The following MYO1D variants were observed in gnomAD, a reference collection of about 807,000 sequenced individuals.
MYO1D encodes myosin ID.
In MYO1D, 83 loss-of-function variants were observed where a neutral mutation model predicts 122.0. The observed-to-expected ratio is 0.68, with a 90% CI of 0.57 to 0.82. The LOEUF (loss-of-function observed/expected upper bound fraction) is 0.82, where lower values mean the gene tolerates loss of function less well. Among genes scored for constraint, MYO1D ranks in the 40% least tolerant of loss-of-function variants. The pLI is 0.00. For synonymous variants in MYO1D, 464 were observed against 446.9 expected (o/e 1.04, Z -0.48); for missense variants, 1,157 against 1,269.5 (o/e 0.91, Z 1.35).
chr17:32,604,152 ATG>A (rs1470842768), intron 21 of MYO1D, among the ~76,000 whole-genome samples: 9 of 151,960 alleles, frequency 5.9e-5, no homozygotes, highest in Non-Finnish European at 1.0e-4. Flanking sequence ...GATTCCAAAT[ATG>A]TGTTTGTTGA....
chr17:32,596,256 C>T (rs188628646), intron 21 of MYO1D, among the ~76,000 whole-genome samples: 2 of 152,292 alleles, frequency 1.3e-5, no homozygotes, highest in Non-Finnish European at 1.5e-5. Context: ...GCCAGGCATT[C>T]AAAGAGAGCA....
At chr17:32,540,071 C>T (rs1910789980) in intron 21 of MYO1D, among the ~76,000 whole-genome samples, 1 of 152,094 alleles carries the variant, frequency 6.6e-6, no homozygotes, top group Non-Finnish European at 1.5e-5. Flanking sequence ...AGAGGCCGGA[C>T]ACAGTGGCTC....
At chr17:32,804,781 T>A (rs1050130448) in intron 1 of MYO1D, among the ~76,000 whole-genome samples, 1 of 152,290 alleles carries the variant, frequency 6.6e-6, no homozygotes, top group South Asian at 2.1e-4. Flanking sequence ...ATAAAGAGTT[T>A]AGTAACTTTT....
At chr17:32,861,966 T>C (rs564338599) in intron 1 of MYO1D, among the ~76,000 whole-genome samples, 9 of 152,268 alleles carry the variant, frequency 5.9e-5, no homozygotes, top group Admixed American at 4.6e-4. Flanking sequence ...TGCAGTGAGC[T>C]GAGATTGTGC....
intron 21 of MYO1D, among the ~76,000 whole-genome samples, chr17:32,566,586 A>C (rs1027847886): frequency 6.6e-6 from 1 of 151,994 alleles, no homozygotes; most frequent in Non-Finnish European, 1.5e-5. Flanking sequence ...TAGCCACTGA[A>C]GGAGGGGAGT....
At chr17:32,604,199 A>G (rs1175487124) in intron 21 of MYO1D, among the ~76,000 whole-genome samples, 2 of 120,966 alleles carry the variant, frequency 1.7e-5, no homozygotes, top group African/African-American at 5.9e-5. Flanking sequence ...TGAAAAAAAA[A>G]AACATACTAA....
intron 6 of MYO1D, among the ~76,000 whole-genome samples, chr17:32,768,753 G>A (rs935930423): frequency 1.3e-5 from 2 of 151,994 alleles, no homozygotes; most frequent in African/African-American, 2.4e-5. Context: ...TTACAGGGTG[G>A]TTGTCAGAAT....
chr17:32,494,952 G>A lies in MYO1D; in HGVS notation c.2865-37C>T, dbSNP rs144708002. 2.0e-4 allele frequency: 310 copies of A among 1,562,576 alleles called. 1 individual carries two copies. Among genetic ancestry groups the A allele is most frequent in the South Asian group, 1.4e-3 (116 of 85,562 alleles). ...AAAAACACCAGACGGGCAGTTAGCA[G>A]GCAGCATGAGAACAGGGCACCTGCC... On this transcript the variant is annotated intron_variant, in intron 21 of 21. Coordinates refer to ENST00000318217, the MANE Select transcript of MYO1D (RefSeq NM_015194.3).
At chr17:32,820,647 T>C (rs1044510015) in intron 1 of MYO1D, among the ~76,000 whole-genome samples, 1 of 152,182 alleles carries the variant, frequency 6.6e-6, no homozygotes, top group African/African-American at 2.4e-5. Flanking sequence ...TATGAGGGCA[T>C]ATATGGTCAA....
At chr17:32,790,529 T>A (rs1356575856) in intron 1 of MYO1D, among the ~76,000 whole-genome samples, 3 of 152,228 alleles carry the variant, frequency 2.0e-5, no homozygotes, top group Non-Finnish European at 4.4e-5. Context: ...TGCAAAGGAA[T>A]AGAGGACATA....
chr17:32,679,183 C>T (rs1004657303), intron 16 of MYO1D, among the ~76,000 whole-genome samples: 4 of 151,456 alleles, frequency 2.6e-5, no homozygotes, highest in South Asian at 2.1e-4. Context: ...GAGTAGGTTG[C>T]GAAAATTTTC....
intron 2 of MYO1D, among the ~76,000 whole-genome samples, chr17:32,779,289 G>C (rs1254310039): frequency 6.6e-6 from 1 of 151,886 alleles, no homozygotes; most frequent in Non-Finnish European, 1.5e-5. Flanking sequence ...TGTACTGTAA[G>C]TCATGGCTAA....
At chr17:32,615,673 G>A (rs2087761264) in intron 20 of MYO1D, among the ~76,000 whole-genome samples, 1 of 152,244 alleles carries the variant, frequency 6.6e-6, no homozygotes, top group African/African-American at 2.4e-5. Flanking sequence ...GAGTGGGATT[G>A]TAAAATCCTT....
At chr17:32,679,099 T>C (rs1195820912) in intron 16 of MYO1D, among the ~76,000 whole-genome samples, 1 of 152,088 alleles carries the variant, frequency 6.6e-6, no homozygotes, top group Non-Finnish European at 1.5e-5. Flanking sequence ...CACTTTTTGA[T>C]GGGGTTGTTT....
Position 32,809,431 on chromosome 17 carries a change from C to CTTT in MYO1D, c.96-28650_96-28648dup, listed in dbSNP as rs57040549. ...ATGAGCCACTGTATCTGGCCTAGGC[C>CTTT]TTTTTTTTTTTTTTTTTCTTTTTCT... On this transcript the variant is annotated intron_variant, in intron 1 of 21. Coordinates refer to ENST00000318217, the MANE Select transcript of MYO1D (RefSeq NM_015194.3). 3.6e-3 allele frequency among the ~76,000 whole-genome samples: 486 copies of CTTT among 135,892 alleles called. 6 individuals carry two copies. The highest frequency in any genetic ancestry group is 0.01 in the African/African-American group (385 of 36,832). The allele number at this position is 135,892 out of a possible 152,430, so 89.2% of individuals were successfully genotyped here.
intron 1 of MYO1D, among the ~76,000 whole-genome samples, chr17:32,841,683 A>G (rs1355466109): frequency 3.9e-5 from 6 of 152,150 alleles, no homozygotes; most frequent in African/African-American, 1.4e-4. Flanking sequence ...TCAGAGATCA[A>G]TGTCCCTGTG....
chr17:32,667,385 G>A (rs1195966576), intron 16 of MYO1D, among the ~76,000 whole-genome samples: 2 of 152,152 alleles, frequency 1.3e-5, no homozygotes, highest in African/African-American at 4.8e-5. Flanking sequence ...CGGACTAGCA[G>A]GTTAATATGT....
chr17:32,820,693 T>C (rs186667336), intron 1 of MYO1D, among the ~76,000 whole-genome samples: 66 of 152,274 alleles, frequency 4.3e-4, no homozygotes, highest in African/African-American at 1.5e-3. Context: ...GGTCAAAGGG[T>C]AGAAACTTTC....
chr17:32,865,066 T>A (rs2091112241), intron 1 of MYO1D, among the ~76,000 whole-genome samples: 1 of 152,246 alleles, frequency 6.6e-6, no homozygotes, highest in African/African-American at 2.4e-5. Context: ...AATCTCATTA[T>A]CAAGGACTAT....
Sources: gnomAD v4.1 joint callset for allele counts (sites outside exome capture counted in the v4.1 genomes callset) on GRCh38, gnomAD v4.1.1 for gene constraint, MANE v1.5 for transcripts, NCBI Gene and HGNC (gene_info 2026-07-23, HGNC 2026-07-21) for gene names.